Variants in PLPP1 observed in about 807,000 individuals in gnomAD.
PLPP1 encodes phospholipid phosphatase 1, also known as lipid phosphate phosphohydrolase 1a.
A neutral mutation model predicts 31.2 loss-of-function variants in PLPP1; 24 were observed. That is an observed-to-expected ratio of 0.77 (90% CI 0.56 to 1.08). The LOEUF (loss-of-function observed/expected upper bound fraction) is 1.08. Among genes scored for constraint, PLPP1 ranks in the 50% least tolerant of loss-of-function variants. PLPP1 has a pLI of 0.00. For synonymous variants in PLPP1, 146 were observed against 126.3 expected, an observed-to-expected ratio of 1.16 and a Z score of -1.05; for missense variants, 319 against 342.7, an observed-to-expected ratio of 0.93 and a Z score of 0.55.
intron 1 of PLPP1, among the ~76,000 whole-genome samples, chr5:55,492,629 G>C (rs1039154630): frequency 6.6e-6 from 1 of 152,154 alleles, no homozygotes; most frequent in Non-Finnish European, 1.5e-5. Flanking sequence ...CATGAGAATT[G>C]CATCAACAAG....
At chr5:55,476,307 GCACCCAGTC>G (rs1486110817) in intron 1 of PLPP1, among the ~76,000 whole-genome samples, 1 of 151,938 alleles carries the variant, frequency 6.6e-6, no homozygotes, top group Non-Finnish European at 1.5e-5. Context: ...ATGAGCCATT[GCACCCAGTC>G]CTGAGCTTAG....
intron 3 of PLPP1, among the ~76,000 whole-genome samples, chr5:55,452,690 T>C (rs1020847514): frequency 2.6e-5 from 4 of 152,250 alleles, no homozygotes; most frequent in African/African-American, 9.6e-5. Context: ...AAAATCTAGA[T>C]TGAATTTATG....
chr5:55,485,312 T>C (rs989972546), intron 1 of PLPP1, among the ~76,000 whole-genome samples: 5 of 152,094 alleles, frequency 3.3e-5, no homozygotes, highest in African/African-American at 1.2e-4. Context: ...AGACAAACTT[T>C]CCACATTCAA....
intron 1 of PLPP1, among the ~76,000 whole-genome samples, chr5:55,525,208 G>C (rs188532931): frequency 9.8e-5 from 15 of 152,292 alleles, no homozygotes; most frequent in Admixed American, 9.8e-4. Context: ...ACAGGTAGTA[G>C]GATTAGAGAA....
chr5:55,427,236 T>C (rs1054171390), intron 4 of PLPP1, among the ~76,000 whole-genome samples: 1 of 152,208 alleles, frequency 6.6e-6, no homozygotes, highest in Non-Finnish European at 1.5e-5. Context: ...GCTCTCCCCA[T>C]GGACACTGCC....
chr5:55,488,770 CTCTT>C, intron 1 of PLPP1, among the ~76,000 whole-genome samples: 1 of 152,304 alleles, frequency 6.6e-6, no homozygotes, highest in East Asian at 1.9e-4. Context: ...TATTTATTTT[CTCTT>C]TCTACTTTAT....
chr5:55,493,754 G>A (rs1390466441), intron 1 of PLPP1, among the ~76,000 whole-genome samples: 1 of 151,682 alleles, frequency 6.6e-6, no homozygotes, highest in East Asian at 1.9e-4. Flanking sequence ...GGGCGTAGTG[G>A]CTGTAGTCCC....
intron 1 of PLPP1, among the ~76,000 whole-genome samples, chr5:55,510,196 G>T (rs1753375158): frequency 6.6e-6 from 1 of 152,172 alleles, no homozygotes; most frequent in South Asian, 2.1e-4. Context: ...CAGCAAAACT[G>T]TACAGTAACA....
intron 4 of PLPP1, among the ~76,000 whole-genome samples, chr5:55,428,332 G>A (rs999356285): frequency 3.3e-5 from 5 of 152,154 alleles, no homozygotes; most frequent in Middle Eastern, 3.2e-3. Context: ...CCCATACTGC[G>A]TTTCCCTGGG....
chr5:55,507,664 C>CA (rs961987314), intron 1 of PLPP1, among the ~76,000 whole-genome samples: 1 of 152,048 alleles, frequency 6.6e-6, no homozygotes, highest in Non-Finnish European at 1.5e-5. Context: ...GAAACCTGCC[C>CA]AAAGCCACGT....
At chr5:55,520,344 G>A (rs1257291547) in intron 1 of PLPP1, among the ~76,000 whole-genome samples, 1 of 152,190 alleles carries the variant, frequency 6.6e-6, no homozygotes, top group Non-Finnish European at 1.5e-5. Context: ...TTAAACTGCA[G>A]CTAGGACAAA....
chr5:55,444,732 G>A (rs963336879), intron 3 of PLPP1, among the ~76,000 whole-genome samples: 1 of 31,464 alleles, frequency 3.2e-5, no homozygotes, highest in Non-Finnish European at 9.8e-5. Context: ...CACTATGAAT[G>A]GGATTCTATT....
chr5:55,434,420 GA>G (rs996546865), intron 4 of PLPP1, among the ~76,000 whole-genome samples: 7 of 146,654 alleles, frequency 4.8e-5, no homozygotes, highest in African/African-American at 1.0e-4. Flanking sequence ...CACAGAAATA[GA>G]AAAAAAAAAT....
intron 1 of PLPP1, among the ~76,000 whole-genome samples, chr5:55,526,670 C>T (rs1740450150): frequency 6.6e-6 from 1 of 152,142 alleles, no homozygotes; most frequent in Non-Finnish European, 1.5e-5. Context: ...CGGTGGCTCA[C>T]GCCTGTAATC....
chr5:55,493,847 TC>T (rs1298404595), intron 1 of PLPP1, among the ~76,000 whole-genome samples: 1 of 144,066 alleles, frequency 6.9e-6, no homozygotes, highest in Non-Finnish European at 1.5e-5. Context: ...GCCACTGTAC[TC>T]CAGCCTGGGC....
At chr5:55,523,655 A>G (rs183017842) in intron 1 of PLPP1, among the ~76,000 whole-genome samples, 1 of 152,236 alleles carries the variant, frequency 6.6e-6, no homozygotes, top group African/African-American at 2.4e-5. Flanking sequence ...TAGAAATAAA[A>G]GTTACAAAAT....
intron 1 of PLPP1, among the ~76,000 whole-genome samples, chr5:55,528,442 G>C (rs1271235607): frequency 1.3e-5 from 2 of 152,184 alleles, no homozygotes; most frequent in Non-Finnish European, 2.9e-5. Context: ...AGCCCTTCAG[G>C]GCAGGGATTA....
At position 55,497,600 on chromosome 5, in the gene PLPP1, A is replaced by T. The variant is rs542583400; in HGVS notation, c.59-22150T>A. ...AGGGAAATCAGTACTACAGGAAAAT[A>T]ACACAGCTGTAACTGCAAGCATGAC... On this transcript the variant is annotated intron_variant, in intron 1 of 5. Transcript: ENST00000307259. Among the ~76,000 whole-genome samples the T allele has an allele frequency of 2.9e-4, 44 of 152,210 alleles. No individual in the cohort carries two copies. In the South Asian group the frequency reaches 8.9e-3, roughly 31 times the overall value.
chr5:55,486,496 G>A (rs1396099491), intron 1 of PLPP1, among the ~76,000 whole-genome samples: 4 of 152,068 alleles, frequency 2.6e-5, no homozygotes, highest in Admixed American at 6.5e-5. Context: ...TGAGGCAGGA[G>A]AATCACTTGA....
Sources: allele counts gnomAD v4.1 joint callset (sites outside exome capture counted in the v4.1 genomes callset), GRCh38; gene constraint gnomAD v4.1.1; transcripts MANE v1.5; gene names NCBI Gene and HGNC (gene_info 2026-07-23, HGNC 2026-07-21).